The following ALG5 variants were observed in gnomAD, a reference collection of about 807,000 sequenced individuals.
The protein encoded by ALG5 is ALG5 dolichyl-phosphate beta-glucosyltransferase.
In ALG5, 26 loss-of-function variants were observed where a neutral mutation model predicts 51.8. The ratio of observed to expected loss-of-function variants is 0.50; its 90% CI spans 0.37 to 0.70. The LOEUF (loss-of-function observed/expected upper bound fraction) is 0.70, where lower values mean the gene tolerates loss of function less well. Among genes scored for constraint, ALG5 ranks in the 30% least tolerant of loss-of-function variants. The probability of loss-of-function intolerance (pLI) is 0.00; values close to 1 mark genes in which losing one functional copy is unlikely to be tolerated. For synonymous variants in ALG5, 141 were observed against 136.1 expected (o/e 1.04, Z -0.25); for missense variants, 311 against 399.3 (o/e 0.78, Z 1.88).
chr13:36,972,956 T>C (rs1360080420), intron 6 of ALG5, among the ~76,000 whole-genome samples: 13 of 140,182 alleles, frequency 9.3e-5, no homozygotes, highest in Non-Finnish European at 1.5e-4. Context: ...CACACCACTG[T>C]GCTCCAGCCT....
At chr13:36,990,066 A>G (rs1163737490) in intron 4 of ALG5, among the ~76,000 whole-genome samples, 1 of 152,166 alleles carries the variant, frequency 6.6e-6, no homozygotes, top group Admixed American at 6.5e-5. Context: ...CCTCTCTCTC[A>G]GCAGTAAATT....
At chr13:36,953,356 T>G (rs1032267481) in intron 8 of ALG5, among the ~76,000 whole-genome samples, 5 of 152,220 alleles carry the variant, frequency 3.3e-5, no homozygotes, top group Non-Finnish European at 5.9e-5. Flanking sequence ...TGCCTTGGCT[T>G]AGGTCAAACC....
chr13:36,985,715 T>C lies in ALG5; in HGVS notation c.473A>G (p.Lys158Arg), dbSNP rs1486694995. 2.5e-6 allele frequency: 4 copies of C among 1,613,406 alleles called. No homozygotes were observed. The highest frequency in any genetic ancestry group is 2.5e-6 in the Non-Finnish European group (3 of 1,179,764). ...RMGIFSSRGE[K>R]ILMADADGAT... The stretch of plus-strand genomic sequence containing the variant: ...TCCATCAGCATCTGCCATAAGGATC[T>C]TTTCTCCTCGAGAACTGAATATACC... Residue 158 changes from lysine (K) to arginine (R), a missense_variant, in exon 6 of 10, where the codon AAG becomes AGG. Transcript: ENST00000239891.
intron 6 of ALG5, among the ~76,000 whole-genome samples, chr13:36,973,087 T>C (rs1031752351): frequency 2.1e-5 from 3 of 145,584 alleles, no homozygotes; most frequent in Non-Finnish European, 4.5e-5. Context: ...TTTTAGACTT[T>C]CCATCAAAAA....
intron 6 of ALG5, 45 bp from the exon 7 acceptor site, chr13:36,972,081 T>C (rs745514701): frequency 2.2e-5 from 29 of 1,340,056 alleles, no homozygotes; most frequent in Middle Eastern, 1.9e-4. Flanking sequence ...TAAATATCAC[T>C]AATAAAAATA....
In ALG5 at chr13:36,993,657, A is replaced by G; in HGVS notation, c.301T>C (p.Phe101Leu). 6.2e-7 allele frequency: 1 copy of G among 1,613,460 alleles called. No homozygotes were observed. Among genetic ancestry groups the G allele is most frequent in the South Asian group, 1.1e-5 (1 of 91,052 alleles). ...TCAACTACTATCACTTCATAAGTGA[A>G]CGCAGGATCTCGTTTCTGCAAGAAA... ...LEKRQKRDPA[F>L]TYEVIVVDDG... is the part of the protein sequence containing the mutation. Residue 101 changes from phenylalanine to leucine, a missense_variant, in exon 4 of 10, where the codon TTC becomes CTC. Phe to Leu is a conservative substitution (Grantham distance 22). Coordinates refer to ENST00000239891, the MANE Select transcript of ALG5 (RefSeq NM_013338.5).
chr13:36,982,668 T>G (rs1469546841), intron 6 of ALG5, among the ~76,000 whole-genome samples: 2 of 152,238 alleles, frequency 1.3e-5, no homozygotes, highest in Non-Finnish European at 2.9e-5. Flanking sequence ...AACTTCAGAA[T>G]GTAAGTTTTC....
At chr13:36,953,333 T>C (rs758048648) in intron 8 of ALG5, among the ~76,000 whole-genome samples, 6 of 152,214 alleles carry the variant, frequency 3.9e-5, no homozygotes, top group Non-Finnish European at 7.3e-5. Flanking sequence ...TCTTAAAGCC[T>C]CTTTTCAGTC....
chr13:36,981,957 G>A (rs1314144529), intron 6 of ALG5, among the ~76,000 whole-genome samples: 1 of 152,158 alleles, frequency 6.6e-6, no homozygotes, highest in African/African-American at 2.4e-5. Flanking sequence ...CGGGCATGGT[G>A]GCAGGCGCCT....
intron 1 of ALG5, among the ~76,000 whole-genome samples, chr13:36,996,171 A>G (rs1181658307): frequency 1.3e-5 from 2 of 152,192 alleles, no homozygotes; most frequent in African/African-American, 4.8e-5. Context: ...CTCGAATTTG[A>G]ATTCAGAATA....
At position 36,972,017 on chromosome 13, in the gene ALG5, C is replaced by T. The variant is rs1436764338; in HGVS notation, c.581G>A (p.Cys194Tyr). 3 of 1,602,012 alleles carry T rather than the reference C, an allele frequency of 1.9e-6. No homozygotes were observed. Among genetic ancestry groups the T allele is most frequent in the Admixed American group, 3.3e-5 (2 of 59,758 alleles). ...TTTTTCTAAATGAGCTCGAGATCCA[C>T]ATGCTATAGCCATTTGATTCTGAGG... Reference protein sequence around the residue: ...QPWPNQMAIACGSRAHLEKES... With the variant: ...QPWPNQMAIAYGSRAHLEKES... The change falls in exon 7 of 10, where the codon TGT becomes TAT. Residue 194 changes from cysteine (C) to tyrosine (Y), a missense_variant. Cys to Tyr is a radical substitution (Grantham distance 194, BLOSUM62 -2). Coordinates refer to ENST00000239891, the MANE Select transcript of ALG5 (RefSeq NM_013338.5).
chr13:36,963,714 C>A (rs1319873045), intron 8 of ALG5, among the ~76,000 whole-genome samples: 1 of 152,114 alleles, frequency 6.6e-6, no homozygotes, highest in African/African-American at 2.4e-5. Context: ...AATGATAATT[C>A]TGAAAATACA....
At chr13:36,981,388 A>G (rs560311829) in intron 6 of ALG5, among the ~76,000 whole-genome samples, 10 of 152,326 alleles carry the variant, frequency 6.6e-5, no homozygotes, top group Non-Finnish European at 1.2e-4. Context: ...TGACTACAAA[A>G]CCCACGTTCC....
chr13:36,990,010 G>A (rs1186648918), intron 4 of ALG5, among the ~76,000 whole-genome samples: 1 of 152,164 alleles, frequency 6.6e-6, no homozygotes, highest in Non-Finnish European at 1.5e-5. Context: ...CCCCAGAGAG[G>A]CTGTTTGTAT....
intron 8 of ALG5, among the ~76,000 whole-genome samples, chr13:36,963,090 G>A (rs9594180): frequency 0.034 from 5,188 of 152,066 alleles, 277 homozygotes; most frequent in African/African-American, 0.12. Flanking sequence ...GACTACAGGC[G>A]TGCACACCAC....
intron 6 of ALG5, among the ~76,000 whole-genome samples, chr13:36,983,438 T>C (rs1315341640): frequency 6.6e-6 from 1 of 152,154 alleles, no homozygotes; most frequent in Non-Finnish European, 1.5e-5. Context: ...GAGAACTTTT[T>C]GTGATGATGG....
intron 8 of ALG5, among the ~76,000 whole-genome samples, chr13:36,955,889 T>C (rs2058837957): frequency 6.6e-6 from 1 of 152,016 alleles, no homozygotes; most frequent in African/African-American, 2.4e-5. Flanking sequence ...CCTGAAACTG[T>C]AAAACTACTA....
intron 6 of ALG5, among the ~76,000 whole-genome samples, chr13:36,985,053 A>G: frequency 6.6e-6 from 1 of 151,548 alleles, no homozygotes; most frequent in Non-Finnish European, 1.5e-5. Flanking sequence ...TCATTCTCTT[A>G]TTCATTTTTT....
intron 5 of ALG5, 149 bp from the exon 6 acceptor site, chr13:36,985,889 A>G: frequency 2.0e-6 from 1 of 498,944 alleles, no homozygotes; most frequent in Non-Finnish European, 3.5e-6. Context: ...AAAACAAATT[A>G]CCTGTATATT....
Sources: gnomAD v4.1 joint callset for allele counts (sites outside exome capture counted in the v4.1 genomes callset) on GRCh38, gnomAD v4.1.1 for gene constraint, MANE v1.5 for transcripts, NCBI Gene and HGNC (gene_info 2026-07-23, HGNC 2026-07-21) for gene names.